SEMA4D: variants seen among roughly 807,000 people sequenced by gnomAD.
The protein encoded by SEMA4D is semaphorin-4D.
In SEMA4D, 22 loss-of-function variants were observed where a neutral mutation model predicts 74.8. That is an observed-to-expected ratio of 0.29 (90% CI 0.21 to 0.42). The LOEUF is 0.42. Ranked by LOEUF, SEMA4D falls within the 10% of genes least tolerant of loss-of-function variation. The probability of loss-of-function intolerance (pLI) is 1.00; values close to 1 mark genes in which losing one functional copy is unlikely to be tolerated. For synonymous variants in SEMA4D, 445 were observed against 463.7 expected, an observed-to-expected ratio of 0.96 and a Z score of 0.52; for missense variants, 937 against 1,118.4, an observed-to-expected ratio of 0.84 and a Z score of 2.31.
chr9:89,497,017 G>A (rs1826073032), intron 1 of SEMA4D, among the ~76,000 whole-genome samples: 2 of 152,190 alleles, frequency 1.3e-5, no homozygotes, highest in Admixed American at 1.3e-4. Flanking sequence ...GCAACTTCAT[G>A]TGGAAAACCT....
intron 11 of SEMA4D, among the ~76,000 whole-genome samples, chr9:89,388,025 A>ATG (rs1554745636): frequency 2.0e-5 from 3 of 152,216 alleles, no homozygotes; most frequent in African/African-American, 7.2e-5. Context: ...TAGCTCCCTG[A>ATG]TGTGTGTAAA....
chr9:89,476,744 A>G (rs1428541937), intron 1 of SEMA4D, among the ~76,000 whole-genome samples: 1 of 152,160 alleles, frequency 6.6e-6, no homozygotes, highest in African/African-American at 2.4e-5. Flanking sequence ...GACACAATCA[A>G]TCAGGGACAT....
intron 18 of SEMA4D, among the ~76,000 whole-genome samples, chr9:89,363,221 A>G (rs890378141): frequency 6.6e-6 from 1 of 152,176 alleles, no homozygotes. Context: ...GGCTGGGGCC[A>G]GATGCCCCTT....
chr9:89,408,599 C>A (rs554797165), intron 2 of SEMA4D, among the ~76,000 whole-genome samples: 1 of 152,240 alleles, frequency 6.6e-6, no homozygotes, highest in Admixed American at 6.5e-5. Flanking sequence ...GCTGCCCCAT[C>A]CCTTAAAGCA....
intron 16 of SEMA4D, among the ~76,000 whole-genome samples, chr9:89,369,888 T>C (rs1409062183): frequency 3.6e-5 from 5 of 138,410 alleles, no homozygotes; most frequent in Admixed American, 7.2e-5. Flanking sequence ...GTGTGTATGG[T>C]TGTGTATGTG....
At chr9:89,472,290 G>A (rs1160381299) in intron 1 of SEMA4D, 2 of 408,030 alleles carry the variant, frequency 4.9e-6, no homozygotes, top group Admixed American at 2.7e-5. Flanking sequence ...TCTGACTGTC[G>A]TAAGAACTCG....
At chr9:89,490,670 G>C (rs1428918275) in intron 1 of SEMA4D, among the ~76,000 whole-genome samples, 5 of 152,176 alleles carry the variant, frequency 3.3e-5, no homozygotes, top group African/African-American at 1.2e-4. Flanking sequence ...TTTTGACTTA[G>C]GATATCTTCA....
At chr9:89,471,424 G>T (rs904146728) in intron 1 of SEMA4D, among the ~76,000 whole-genome samples, 2 of 152,194 alleles carry the variant, frequency 1.3e-5, no homozygotes, top group African/African-American at 4.8e-5. Flanking sequence ...TTAGAAAATT[G>T]TATTTGTATA....
chr9:89,404,108 C>T (rs1842762904), intron 3 of SEMA4D, among the ~76,000 whole-genome samples: 1 of 152,154 alleles, frequency 6.6e-6, no homozygotes, highest in Admixed American at 6.5e-5. Flanking sequence ...AGCTCTCAAT[C>T]CACTGAGTCA....
At chr9:89,409,180 G>C (rs564138762) in intron 2 of SEMA4D, among the ~76,000 whole-genome samples, 1 of 152,212 alleles carries the variant, frequency 6.6e-6, no homozygotes. Flanking sequence ...CCAATCTGTA[G>C]AAGTACATAC....
At chr9:89,405,226 A>T in intron 3 of SEMA4D, 125 bp downstream of exon 3, 2 of 788,708 alleles carry the variant, frequency 2.5e-6, no homozygotes, top group Non-Finnish European at 2.1e-6. Flanking sequence ...TCCCGTTCCC[A>T]GCCACCCGCC....
chr9:89,475,794 G>A lies in SEMA4D; in HGVS notation c.-309-19841C>T, dbSNP rs182334141. Among the ~76,000 whole-genome samples, 195 of 152,250 alleles carry A rather than the reference G, an allele frequency of 1.3e-3. 1 individual carries two copies. The highest frequency in any genetic ancestry group is 3.4e-3 in the Middle Eastern group (1 of 294). ...AATGTCAGCAGGCTCACAGAGAGCG[G>A]GAAACAATGATATGACCATGGCTTG... is the stretch of plus-strand genomic sequence containing the variant. On this transcript the variant is annotated intron_variant, in intron 1 of 15. Coordinates refer to ENST00000422704, the MANE Select transcript of SEMA4D (RefSeq NM_001371194.2).
rs1836241425 is a variant in SEMA4D at position 89,378,577 on chromosome 9, T to G, written c.*127A>C. The G allele has an allele frequency of 7.6e-6, 5 of 660,712 alleles. No individual in the cohort carries two copies. Among genetic ancestry groups the G allele is most frequent in the Non-Finnish European group, 1.3e-5 (5 of 379,780 alleles). 40.9% of individuals were successfully genotyped at this position (660,712 alleles called of 1,614,324 possible). On this transcript the variant is annotated 3_prime_UTR_variant, in exon 16 of 16. Transcript: ENST00000422704. ...AGAAAATAGACAAGAGGACTGAGGT[T>G]GTCTGCACGATGCGGGCTAACCTAC...
At chr9:89,394,206 T>A (rs1384356044) in intron 6 of SEMA4D, among the ~76,000 whole-genome samples, 1 of 151,994 alleles carries the variant, frequency 6.6e-6, no homozygotes, top group Non-Finnish European at 1.5e-5. Flanking sequence ...GGGGCTGGCG[T>A]TTCCATCTGG....
At chr9:89,449,962 T>C in intron 2 of SEMA4D, 1 of 1,541,358 alleles carries the variant, frequency 6.5e-7, no homozygotes, top group South Asian at 1.1e-5. Flanking sequence ...GGGACCCAAG[T>C]AACAGGGAGG....
intron 2 of SEMA4D, among the ~76,000 whole-genome samples, chr9:89,444,343 C>A (rs1230793850): frequency 6.6e-6 from 1 of 152,118 alleles, no homozygotes; most frequent in African/African-American, 2.4e-5. Context: ...TACACAGGAG[C>A]ACTCCTGCCA....
intron 2 of SEMA4D, among the ~76,000 whole-genome samples, chr9:89,454,370 G>A (rs1334783787): frequency 6.6e-6 from 1 of 152,156 alleles, no homozygotes; most frequent in Non-Finnish European, 1.5e-5. Flanking sequence ...AAGGTGGTGT[G>A]GACGTGGCTG....
At chr9:89,489,158 G>A (rs993321696) in intron 1 of SEMA4D, among the ~76,000 whole-genome samples, 1 of 152,224 alleles carries the variant, frequency 6.6e-6, no homozygotes, top group Non-Finnish European at 1.5e-5. Context: ...ACTCTCATGC[G>A]TTAGCAGTGG....
chr9:89,389,959 A>G (rs1242805477), intron 9 of SEMA4D, among the ~76,000 whole-genome samples: 1 of 152,140 alleles, frequency 6.6e-6, no homozygotes, highest in African/African-American at 2.4e-5. Context: ...GTGGGGCCTA[A>G]GCTCAAACCA....
Sources: gnomAD v4.1 joint callset for allele counts (sites outside exome capture counted in the v4.1 genomes callset) on GRCh38, gnomAD v4.1.1 for gene constraint, MANE v1.5 for transcripts, NCBI Gene and HGNC (gene_info 2026-07-23, HGNC 2026-07-21) for gene names.